The following FNIP2 variants were observed in gnomAD, a reference collection of about 807,000 sequenced individuals.
FNIP2 encodes the protein folliculin-interacting protein 2.
In FNIP2, 32 loss-of-function variants were observed where a neutral mutation model predicts 108.7. That is an observed-to-expected ratio of 0.29 (90% CI 0.22 to 0.40). The LOEUF (loss-of-function observed/expected upper bound fraction) is 0.40. FNIP2 is among the 10% of genes least tolerant of loss of function. The pLI, the probability that FNIP2 is intolerant of heterozygous loss-of-function variation, is 1.00. For missense variants in FNIP2, 1,202 were observed against 1,381.6 expected, an observed-to-expected ratio of 0.87 and a Z score of 2.06; for synonymous variants, 480 against 496.7, an observed-to-expected ratio of 0.97 and a Z score of 0.45.
At chr4:158,815,207 G>A (rs2126522846) in intron 1 of FNIP2, among the ~76,000 whole-genome samples, 1 of 152,314 alleles carries the variant, frequency 6.6e-6, no homozygotes. Context: ...AAGTTACATA[G>A]CTAGGAAGAG....
chr4:158,780,957 C>T (rs1319689249), intron 1 of FNIP2, among the ~76,000 whole-genome samples: 1 of 151,400 alleles, frequency 6.6e-6, no homozygotes, highest in Admixed American at 6.6e-5. Context: ...ATCGCTCGAA[C>T]CCCAGAGGCG....
intron 15 of FNIP2, chr4:158,893,659 A>T (rs888385559): frequency 9.0e-6 from 14 of 1,555,126 alleles, no homozygotes; most frequent in Non-Finnish European, 8.8e-7. Context: ...AGTAGTAGGC[A>T]GTTTCTCCTT....
intron 15 of FNIP2, chr4:158,893,164 G>T (rs1002669489): frequency 6.6e-6 from 1 of 152,498 alleles, no homozygotes; most frequent in Non-Finnish European, 1.5e-5. Context: ...GTTCAACAAG[G>T]GTGCTGTGAG....
chr4:158,893,070 G>C (rs891264376), intron 15 of FNIP2: 1 of 152,262 alleles, frequency 6.6e-6, no homozygotes, highest in African/African-American at 2.4e-5. Context: ...TCTAGGCTTT[G>C]CCGTTGGTTA....
chr4:158,859,764 T>C, intron 10 of FNIP2, 98 bp downstream of exon 10: 1 of 1,015,960 alleles, frequency 9.8e-7, no homozygotes, highest in Non-Finnish European at 1.5e-6. Flanking sequence ...GCCTGGCAGT[T>C]ATTCCTCACT....
chr4:158,863,217 C>T lies in FNIP2; in HGVS notation c.1465+1441C>T, dbSNP rs113311242. 4.0e-3 allele frequency among the ~76,000 whole-genome samples: 602 copies of T among 152,226 alleles called. 1 individual carries two copies. The highest frequency in any genetic ancestry group is 0.013 in the African/African-American group (550 of 41,542). ...TGTAAAGCCAAGTGTAAGTGATGGC[C>T]GAGTTTCCATTATTACAAAGAAGTC... On this transcript the variant is annotated intron_variant, in intron 12 of 16. Coordinates refer to ENST00000264433, the MANE Select transcript of FNIP2 (RefSeq NM_020840.3).
At chr4:158,807,710 A>G (rs1408145859) in intron 1 of FNIP2, among the ~76,000 whole-genome samples, 1 of 152,188 alleles carries the variant, frequency 6.6e-6, no homozygotes, top group African/African-American at 2.4e-5. Flanking sequence ...TGACACTTCT[A>G]TCTCTAAAAA....
chr4:158,858,909 C>A, intron 8 of FNIP2, 148 bp from the exon 9 acceptor site: 1 of 656,804 alleles, frequency 1.5e-6, no homozygotes. Flanking sequence ...CATCTTCATG[C>A]CAGGGAATTA....
chr4:158,793,774 A>G (rs1050387001), intron 1 of FNIP2, among the ~76,000 whole-genome samples: 6 of 152,282 alleles, frequency 3.9e-5, no homozygotes, highest in African/African-American at 4.8e-5. Flanking sequence ...AATTCTGGAC[A>G]CTCAGATTCC....
chr4:158,874,599 G>A (rs1781152656), intron 14 of FNIP2, among the ~76,000 whole-genome samples: 1 of 151,888 alleles, frequency 6.6e-6, no homozygotes, highest in Non-Finnish European at 1.5e-5. Flanking sequence ...GCTTCAGTGA[G>A]CTGTGATCAT....
Position 158,859,632 on chromosome 4 carries a change from G to A in FNIP2, c.1114G>A (p.Val372Ile), listed in dbSNP as rs1560807501. The change falls in exon 10 of 17, where the codon GTC becomes ATC. Residue 372 changes from valine (V) to isoleucine (I), a missense_variant. Around this residue, in one of 5 missense-constraint regions of FNIP2, gnomAD observed 878 missense variants for 990.3 expected, o/e 0.89. Coordinates refer to ENST00000264433, the MANE Select transcript of FNIP2 (RefSeq NM_020840.3). ...ATCAAGTCTCCGAGTCCAGTTTTAT[G>A]TCAGCCGTTTGATGGAAGCTCTGGG... ...AESSLRVQFY[V>I]SRLMEALGEF... 1 of 1,613,484 alleles carries A rather than the reference G, an allele frequency of 6.2e-7. No homozygotes were observed. The highest frequency in any genetic ancestry group is 8.5e-7 in the Non-Finnish European group (1 of 1,179,680).
In FNIP2 at chr4:158,769,102, G is replaced by A. The variant is rs1775600772; in HGVS notation, c.-111G>A. The A allele has an allele frequency of 7.4e-6, 2 of 269,872 alleles. No homozygotes were observed. The highest frequency in any genetic ancestry group is 4.6e-5 in the African/African-American group (2 of 43,134). The allele number at this position is 269,872 out of a possible 1,614,324, so 16.7% of individuals were successfully genotyped here. A position where few individuals can be genotyped will look rare whatever the true frequency, so the allele number is the denominator to read the frequency against. ...CGCAGCGGCCCCGCGCTCCCGCAAG[G>A]CTGGGCGGCCGCGCCGCCGCGATGG... On this transcript the variant is annotated 5_prime_UTR_variant, in exon 1 of 17. Transcript: ENST00000264433.
intron 1 of FNIP2, among the ~76,000 whole-genome samples, chr4:158,792,453 C>G (rs1378420598): frequency 6.6e-6 from 1 of 151,538 alleles, no homozygotes; most frequent in African/African-American, 2.4e-5. Context: ...TCTAGTGGTC[C>G]TACTGTAAGA....
chr4:158,848,326 G>C (rs1200368105), intron 7 of FNIP2, among the ~76,000 whole-genome samples: 1 of 152,212 alleles, frequency 6.6e-6, no homozygotes, highest in African/African-American at 2.4e-5. Flanking sequence ...ACAAAGTAAA[G>C]GAAGAGAACA....
chr4:158,826,462 C>T (rs149904271), intron 2 of FNIP2, among the ~76,000 whole-genome samples: 1 of 152,344 alleles, frequency 6.6e-6, no homozygotes, highest in East Asian at 1.9e-4. Context: ...TAATAAGTAG[C>T]ACTGGGTTAA....
At chr4:158,882,868 G>A (rs928912238) in intron 14 of FNIP2, among the ~76,000 whole-genome samples, 24 of 152,176 alleles carry the variant, frequency 1.6e-4, no homozygotes, top group African/African-American at 4.8e-4. Flanking sequence ...GCGGAAGGCC[G>A]CAGGGTCTTC....
At chr4:158,802,379 C>T (rs1560762707) in intron 1 of FNIP2, among the ~76,000 whole-genome samples, 1 of 146,338 alleles carries the variant, frequency 6.8e-6, no homozygotes, top group African/African-American at 2.5e-5. Flanking sequence ...AAGAGGGATT[C>T]TTTTTTTTTT....
In FNIP2 at chr4:158,869,264, C is replaced by A; in HGVS notation, c.2628C>A (p.Asn876Lys). Residue 876 changes from asparagine (N) to lysine (K), a missense_variant, in exon 13 of 17, where the codon AAC becomes AAA. Around this residue, in one of 5 missense-constraint regions of FNIP2, gnomAD observed 878 missense variants for 990.3 expected, o/e 0.89. Transcript: ENST00000264433. ...CGAATATCCCCTGTGGGGATGACAA[C>A]AAGAAGGCCAACTTCAGGACTGAAG... ...AGANIPCGDD[N>K]KKANFRTEGD... The A allele has an allele frequency of 6.2e-7, 1 of 1,613,996 alleles. No homozygotes were observed.
At chr4:158,788,092 C>T (rs1210884736) in intron 1 of FNIP2, among the ~76,000 whole-genome samples, 4 of 152,130 alleles carry the variant, frequency 2.6e-5, no homozygotes, top group Admixed American at 6.5e-5. Flanking sequence ...TTAACCATGC[C>T]GTGCTATGCT....
Sources: allele counts gnomAD v4.1 joint callset (sites outside exome capture counted in the v4.1 genomes callset), GRCh38; gene constraint gnomAD v4.1.1; regional missense constraint gnomAD v4.1.1; transcripts MANE v1.5; gene names NCBI Gene and HGNC (gene_info 2026-07-23, HGNC 2026-07-21).